OPCML: variants seen among roughly 807,000 people sequenced by gnomAD.
OPCML encodes opioid binding protein/cell adhesion molecule like.
A neutral mutation model predicts 37.8 loss-of-function variants in OPCML; 13 were observed. The ratio of observed to expected loss-of-function variants is 0.34; its 90% CI spans 0.22 to 0.55. OPCML has a LOEUF of 0.55. Ranked by LOEUF, OPCML falls within the 20% of genes least tolerant of loss-of-function variation. OPCML has a pLI of 0.91. For synonymous variants in OPCML, 176 were observed against 168.8 expected, an observed-to-expected ratio of 1.04 and a Z score of -0.33; for missense variants, 341 against 435.6, an observed-to-expected ratio of 0.78 and a Z score of 1.93.
chr11:132,676,045 A>G (rs1397938641), intron 2 of OPCML, among the ~76,000 whole-genome samples: 1 of 152,196 alleles, frequency 6.6e-6, no homozygotes, highest in East Asian at 1.9e-4. Context: ...AAAGCTTACT[A>G]AAAAGCTACA....
chr11:133,196,663 A>C (rs777559647), intron 1 of OPCML, among the ~76,000 whole-genome samples: 61 of 152,188 alleles, frequency 4.0e-4, no homozygotes, highest in Non-Finnish European at 7.9e-4. Context: ...GAGTAATGGA[A>C]GAAAAGGGCA....
intron 3 of OPCML, among the ~76,000 whole-genome samples, chr11:132,601,191 C>A (rs1366353528): frequency 1.3e-5 from 2 of 152,094 alleles, no homozygotes; most frequent in African/African-American, 4.8e-5. Flanking sequence ...CATGTGGGCA[C>A]AGCTGTGAAA....
intron 1 of OPCML, among the ~76,000 whole-genome samples, chr11:133,506,219 G>T (rs1385698512): frequency 6.6e-6 from 1 of 152,092 alleles, no homozygotes; most frequent in Non-Finnish European, 1.5e-5. Flanking sequence ...CTTGTCCCAG[G>T]TCCCACAGTA....
At chr11:133,119,269 A>G (rs906050300) in intron 1 of OPCML, among the ~76,000 whole-genome samples, 18 of 152,100 alleles carry the variant, frequency 1.2e-4, no homozygotes, top group African/African-American at 4.3e-4. Flanking sequence ...CTCAGGGGCC[A>G]AATTATCTAT....
intron 1 of OPCML, among the ~76,000 whole-genome samples, chr11:133,498,349 T>C (rs1947829838): frequency 6.6e-6 from 1 of 151,880 alleles, no homozygotes; most frequent in South Asian, 2.1e-4. Context: ...CAGAGCCAAA[T>C]GTGGAAGGGC....
rs371441649 is a variant in OPCML, at chr11:133,442,726, CGTGTGTGTGTGTGT to C, written c.61+89524_61+89537del. Among the ~76,000 whole-genome samples, 18 of 141,448 alleles carry C rather than the reference CGTGTGTGTGTGTGT, an allele frequency of 1.3e-4. 1 individual carries two copies. The highest frequency in any genetic ancestry group is 7.1e-4 in the South Asian group (3 of 4,228). The allele number at this position is 141,448 out of a possible 152,430, so 92.8% of individuals were successfully genotyped here. ...GATTGCAAAAGCAAACATATTTAAACGTGTGTGTGTGTGTGTGTGTGTGTGTGTGTGTGTGTGTG... is the reference window on the plus strand; with the variant it reads ...GATTGCAAAAGCAAACATATTTAAACGTGTGTGTGTGTGTGTGTGTGTGTG... On this transcript the variant is annotated intron_variant, in intron 1 of 7. Coordinates refer to ENST00000524381, the MANE Select transcript of OPCML (RefSeq NM_001012393.5).
chr11:133,357,373 G>A (rs1441291742), intron 1 of OPCML, among the ~76,000 whole-genome samples: 2 of 152,218 alleles, frequency 1.3e-5, no homozygotes, highest in African/African-American at 4.8e-5. Context: ...AACAGAATAT[G>A]TGGAACGTAC....
chr11:132,640,252 G>A (rs1234986669), intron 3 of OPCML, among the ~76,000 whole-genome samples: 1 of 152,192 alleles, frequency 6.6e-6, no homozygotes, highest in Non-Finnish European at 1.5e-5. Context: ...AATGAGCAGT[G>A]TGGGTGGGAC....
rs188636531 is a variant in OPCML, at chr11:133,458,029, C to T, written c.61+74235G>A. 6.0e-4 allele frequency among the ~76,000 whole-genome samples: 91 copies of T among 151,938 alleles called. 1 individual carries two copies. In the East Asian group the frequency reaches 0.014, roughly 24 times the overall value. ...GGCATGGTGACATGCACCTGCAATC[C>T]GAGCTACTTGGGAAGCTGAGGCAGT... On this transcript the variant is annotated intron_variant, in intron 1 of 7. Transcript: ENST00000524381.
intron 4 of OPCML, among the ~76,000 whole-genome samples, chr11:132,506,813 T>C (rs2096257890): frequency 1.3e-5 from 2 of 151,836 alleles, no homozygotes; most frequent in South Asian, 4.2e-4. Flanking sequence ...ACATGAAAGC[T>C]ACTAGACAGA....
At chr11:133,223,684 C>T (rs930176) in intron 1 of OPCML, among the ~76,000 whole-genome samples, 65,164 of 152,112 alleles carry the variant, frequency 0.43, 17,040 homozygotes, top group African/African-American at 0.72. Context: ...TACAAGTTTT[C>T]CTGTGGCAGA....
chr11:133,284,537 C>T (rs1358713227), intron 1 of OPCML, among the ~76,000 whole-genome samples: 5 of 152,110 alleles, frequency 3.3e-5, no homozygotes, highest in Non-Finnish European at 5.9e-5. Flanking sequence ...AAGGGAAGGG[C>T]GGCAACAAAT....
intron 3 of OPCML, among the ~76,000 whole-genome samples, chr11:132,645,018 C>A (rs189480009): frequency 2.2e-4 from 34 of 152,200 alleles, no homozygotes; most frequent in Non-Finnish European, 4.4e-5. Context: ...AATCGGAGCA[C>A]ATAATCCATC....
intron 3 of OPCML, among the ~76,000 whole-genome samples, chr11:132,630,776 T>C (rs916260706): frequency 6.6e-6 from 1 of 152,138 alleles, no homozygotes; most frequent in Non-Finnish European, 1.5e-5. Flanking sequence ...CTCCTTAGTA[T>C]AAGAAATAGG....
chr11:133,331,700 T>C (rs895260027), intron 1 of OPCML, among the ~76,000 whole-genome samples: 9 of 152,174 alleles, frequency 5.9e-5, no homozygotes, highest in African/African-American at 1.7e-4. Context: ...TTCTACTTTA[T>C]TTCTATTTGA....
Position 133,315,539 on chromosome 11 carries a change from C to T in OPCML, c.61+216725G>A, listed in dbSNP as rs139227632. Among the ~76,000 whole-genome samples, 1,009 of 152,334 alleles carry T rather than the reference C, an allele frequency of 6.6e-3. 2 individuals carry two copies. The highest frequency in any genetic ancestry group is 0.014 in the Middle Eastern group (4 of 294). On this transcript the variant is annotated intron_variant, in intron 1 of 7. Transcript: ENST00000524381. ...TCAGGCTGGGTGTGGTGGCTCACGC[C>T]TATAATCCCAGCACTTTGGAAGGCC...
At chr11:133,253,913 C>T (rs1941233545) in intron 1 of OPCML, among the ~76,000 whole-genome samples, 2 of 146,872 alleles carry the variant, frequency 1.4e-5, no homozygotes, top group South Asian at 4.6e-4. Context: ...CCCTCCCTTC[C>T]TTCTTTCCTT....
intron 2 of OPCML, among the ~76,000 whole-genome samples, chr11:132,813,037 A>C (rs1280027247): frequency 6.6e-6 from 1 of 152,238 alleles, no homozygotes; most frequent in Non-Finnish European, 1.5e-5. Flanking sequence ...AAGTTAATTT[A>C]AAATAAAACT....
Position 133,326,760 on chromosome 11 carries a change from G to A in OPCML, c.61+205504C>T, listed in dbSNP as rs369341416. ...AAGTGGGGGAGGTGTAGGTGAGGGT[G>A]TGTGGGGCAGTGAGTGTGTGGATGT... On this transcript the variant is annotated intron_variant, in intron 1 of 7. Coordinates refer to ENST00000524381, the MANE Select transcript of OPCML (RefSeq NM_001012393.5). 1.5e-4 allele frequency among the ~76,000 whole-genome samples: 22 copies of A among 144,810 alleles called. No individual in the cohort carries two copies. The South Asian group carries it at 2.5e-3, about 17-fold the overall frequency.
Sources: gnomAD v4.1 joint callset for allele counts (sites outside exome capture counted in the v4.1 genomes callset) on GRCh38, gnomAD v4.1.1 for gene constraint, MANE v1.5 for transcripts, NCBI Gene and HGNC (gene_info 2026-07-23, HGNC 2026-07-21) for gene names.